THRAP3: variants seen among roughly 807,000 people sequenced by gnomAD.
The protein encoded by THRAP3 is thyroid hormone receptor associated protein 3, also known as thyroid hormone receptor-associated protein 3.
A neutral mutation model predicts 101.0 loss-of-function variants in THRAP3; 16 were observed. The observed-to-expected ratio is 0.16, with a 90% confidence interval of 0.11 to 0.24. The LOEUF (loss-of-function observed/expected upper bound fraction) is 0.24. THRAP3 is among the 10% of genes least tolerant of loss of function. The pLI, the probability that THRAP3 is intolerant of heterozygous loss-of-function variation, is 1.00. For missense variants in THRAP3, 989 were observed against 1,202.7 expected (o/e 0.82, Z 2.63); for synonymous variants, 407 against 422.6 (o/e 0.96, Z 0.45).
chr1:36,251,409 G>A (rs1044676926), intron 1 of THRAP3, among the ~76,000 whole-genome samples: 4 of 152,148 alleles, frequency 2.6e-5, no homozygotes, highest in Non-Finnish European at 4.4e-5. Flanking sequence ...ATTGGTCTAG[G>A]TAGAAACGTT....
At chr1:36,255,788 A>G (rs1377591962) in intron 1 of THRAP3, among the ~76,000 whole-genome samples, 1 of 151,250 alleles carries the variant, frequency 6.6e-6, no homozygotes, top group Non-Finnish European at 1.5e-5. Context: ...AAAAAAAAGA[A>G]AAGAAAGAAA....
intron 2 of THRAP3, among the ~76,000 whole-genome samples, chr1:36,262,894 G>C (rs955805230): frequency 6.7e-6 from 1 of 149,590 alleles, no homozygotes; most frequent in Non-Finnish European, 1.5e-5. Flanking sequence ...CCGGGGTCAC[G>C]CCATTCTCCT....
chr1:36,296,886 G>C, intron 9 of THRAP3, 116 bp downstream of exon 9: 1 of 758,126 alleles, frequency 1.3e-6, no homozygotes, highest in Non-Finnish European at 1.9e-6. Flanking sequence ...ATAGCAACCT[G>C]TTTCTTCTTT....
intron 1 of THRAP3, among the ~76,000 whole-genome samples, chr1:36,232,903 C>T (rs1645044254): frequency 7.7e-6 from 1 of 129,912 alleles, no homozygotes; most frequent in African/African-American, 2.7e-5. Context: ...TTGAGACAGT[C>T]TCACTCTGTT....
At chr1:36,221,454 T>C (rs768594951), upstream of THRAP3, among the ~76,000 whole-genome samples, 31 of 151,908 alleles carry the variant, frequency 2.0e-4, no homozygotes, top group Non-Finnish European at 3.8e-4. Flanking sequence ...GCAAACTTCA[T>C]TGCTCTCTTA....
intron 1 of THRAP3, among the ~76,000 whole-genome samples, chr1:36,247,909 C>T (rs1379155801): frequency 7.4e-6 from 1 of 135,034 alleles, no homozygotes; most frequent in Non-Finnish European, 1.6e-5. Flanking sequence ...GAGTCTTGCT[C>T]TGTCACCCCG....
chr1:36,229,268 T>C (rs192612555), intron 1 of THRAP3, among the ~76,000 whole-genome samples: 1 of 152,046 alleles, frequency 6.6e-6, no homozygotes, highest in Non-Finnish European at 1.5e-5. Flanking sequence ...CGGCTAATTT[T>C]TGTATTTTTA....
rs1396544140 is a variant in THRAP3 at position 36,270,575 on chromosome 1, TTG to T, written c.-32+11093_-32+11094del. 1.4e-3 allele frequency among the ~76,000 whole-genome samples: 7 copies of T among 5,178 alleles called. 1 individual carries two copies. The highest frequency in any genetic ancestry group is 3.4e-3 in the Non-Finnish European group (4 of 1,180). 3.4% of individuals were successfully genotyped at this position (5,178 alleles called of 152,430 possible). A position where few individuals can be genotyped will look rare whatever the true frequency, so the allele number is the denominator to read the frequency against. ...AATACAGTTCTATTTGTTTAGGTTT[TTG>T]TTTTTTTTTTTTTTTTTGAGACGGA... is the stretch of plus-strand genomic sequence containing the variant. On this transcript the variant is annotated intron_variant, in intron 2 of 11. Transcript: ENST00000354618.
intron 1 of THRAP3, among the ~76,000 whole-genome samples, chr1:36,236,219 C>T (rs535665402): frequency 8.1e-6 from 1 of 124,018 alleles, no homozygotes; most frequent in African/African-American, 3.0e-5. Context: ...GACTCAGTCT[C>T]AAAAGAAAAA....
intron 1 of THRAP3, among the ~76,000 whole-genome samples, chr1:36,237,934 A>ATCT (rs1213349351): frequency 3.9e-5 from 6 of 152,094 alleles, no homozygotes; most frequent in Non-Finnish European, 8.8e-5. Flanking sequence ...TGATCTTCCT[A>ATCT]CATCAGACTC....
At chr1:36,241,942 T>A (rs1376024346) in intron 1 of THRAP3, 2 of 164,128 alleles carry the variant, frequency 1.2e-5, no homozygotes, top group East Asian at 1.8e-4. Flanking sequence ...ACTTATTTTC[T>A]TTGGATGTCA....
At chr1:36,212,418 CTTT>C in the THRAP3 span, among the ~76,000 whole-genome samples, 2 of 122,044 alleles carry the variant, frequency 1.6e-5, no homozygotes, top group Non-Finnish European at 1.7e-5. Context: ...TTCTTTCTTT[CTTT>C]TTTTTTTTTT....
At chr1:36,256,784 G>T (rs6673161) in intron 1 of THRAP3, among the ~76,000 whole-genome samples, 147,120 of 152,240 alleles carry the variant, frequency 0.97, 71,319 homozygotes, top group Middle Eastern at 1. Flanking sequence ...ATTGGTAACC[G>T]TTTGCATTGC....
chr1:36,247,722 A>C (rs1645247814), intron 1 of THRAP3, among the ~76,000 whole-genome samples: 1 of 151,874 alleles, frequency 6.6e-6, no homozygotes, highest in Non-Finnish European at 1.5e-5. Flanking sequence ...GTATTGCCTC[A>C]TTTTTTTTGT....
At chr1:36,294,006 T>G (rs779604919) in intron 8 of THRAP3, 71 bp downstream of exon 8, 8 of 1,576,494 alleles carry the variant, frequency 5.1e-6, no homozygotes, top group South Asian at 1.1e-5. Flanking sequence ...AGAAATGTGT[T>G]TGTTTAAATT....
At chr1:36,284,846 G>T (rs1311487183) in intron 3 of THRAP3, among the ~76,000 whole-genome samples, 1 of 152,140 alleles carries the variant, frequency 6.6e-6, no homozygotes, top group Non-Finnish European at 1.5e-5. Flanking sequence ...TAATCGGGTT[G>T]TATTCACTTT....
chr1:36,225,701 C>T (rs1265410908), intron 1 of THRAP3, among the ~76,000 whole-genome samples: 1 of 152,052 alleles, frequency 6.6e-6, no homozygotes, highest in East Asian at 1.9e-4. Context: ...GACAGTCTGA[C>T]GTGTGTATTA....
rs566097501 is a variant in THRAP3 at position 36,231,693 on chromosome 1, A to G, written c.-135+7188A>G. Among the ~76,000 whole-genome samples, 6 of 152,278 alleles carry G rather than the reference A, an allele frequency of 3.9e-5. No homozygotes were observed. In the East Asian group the frequency reaches 7.7e-4, roughly 20 times the overall value. ...GAATAAAGGATTGATAGAGGAATGC[A>G]TAGAGGTGAGACTGTATTGTAAAGT... On this transcript the variant is annotated intron_variant, in intron 1 of 11. Coordinates refer to ENST00000354618, the MANE Select transcript of THRAP3 (RefSeq NM_005119.4).
Position 36,301,759 on chromosome 1 carries a change from C to T in THRAP3, c.2646+63C>T. ...CTTTGACACACAGAGTAGCTGATAC[C>T]AAGCCTTAATTAGTTTGTCCAAAAC... On this transcript the variant is annotated intron_variant, in intron 11 of 11. Transcript: ENST00000354618. 3 of 1,544,292 alleles carry T rather than the reference C, an allele frequency of 1.9e-6. No homozygotes were observed. In the South Asian group the frequency reaches 3.7e-5, roughly 19 times the overall value.
Sources: allele counts gnomAD v4.1 joint callset (sites outside exome capture counted in the v4.1 genomes callset), GRCh38; gene constraint gnomAD v4.1.1; transcripts MANE v1.5; gene names NCBI Gene and HGNC (gene_info 2026-07-23, HGNC 2026-07-21).